The following PDE11A variants were observed in gnomAD, a reference collection of about 807,000 sequenced individuals.
The protein encoded by PDE11A is phosphodiesterase 11A, also known as dual 3',5'-cyclic-AMP and -GMP phosphodiesterase 11A.
Under a neutral mutation model 100.5 loss-of-function variants are expected in PDE11A, and 100 were observed. The ratio of observed to expected loss-of-function variants is 1.00; its 90% CI spans 0.85 to 1.18. PDE11A has a LOEUF of 1.18. PDE11A is among the 50% of genes most tolerant of loss of function. The pLI is 0.00. For synonymous variants in PDE11A, 381 were observed against 420.8 expected (o/e 0.91, Z 1.16); for missense variants, 1,141 against 1,152.6 (o/e 0.99, Z 0.15).
intron 6 of PDE11A, among the ~76,000 whole-genome samples, chr2:177,831,584 T>G (rs2083309125): frequency 6.6e-6 from 1 of 152,242 alleles, no homozygotes; most frequent in African/African-American, 2.4e-5. Context: ...AGCTATCAAA[T>G]GCACACAAGT....
At position 177,669,482 on chromosome 2, in the gene PDE11A, G is replaced by A. The variant is rs780622346; in HGVS notation, c.2562+11C>T. Reference sequence around the variant, plus strand: ...AAGGGTAAATACGTTATAATTAAAGGATGAACTCACTGAAGGAGTGAGTTT... The same window carrying A: ...AAGGGTAAATACGTTATAATTAAAGAATGAACTCACTGAAGGAGTGAGTTT... On this transcript the variant is annotated intron_variant, in intron 18 of 19. Transcript: ENST00000286063. 6 of 1,042,258 alleles carry A rather than the reference G, an allele frequency of 5.8e-6. No homozygotes were observed. In the South Asian group the frequency reaches 6.3e-5, roughly 11 times the overall value. 64.6% of individuals were successfully genotyped at this position (1,042,258 alleles called of 1,614,324 possible). A position where few individuals can be genotyped will look rare whatever the true frequency, so the allele number is the denominator to read the frequency against.
rs192792578 is a variant in PDE11A, at chr2:177,786,238, C to T, written c.1738-16865G>A. 4.6e-3 allele frequency among the ~76,000 whole-genome samples: 694 copies of T among 152,272 alleles called. 3 individuals are homozygous for T. Among genetic ancestry groups the T allele is most frequent in the Non-Finnish European group, 5.5e-3 (372 of 68,020 alleles). ...GCAGCATTCGCGGTTCATGAAAATC[C>T]GCTGTTCTGCAGCCACCACTGCTGA... On this transcript the variant is annotated intron_variant, in intron 9 of 19. Coordinates refer to ENST00000286063, the MANE Select transcript of PDE11A (RefSeq NM_016953.4).
intron 2 of PDE11A, among the ~76,000 whole-genome samples, chr2:177,964,040 T>A (rs1231533392): frequency 1.3e-5 from 2 of 152,240 alleles, no homozygotes; most frequent in African/African-American, 4.8e-5. Context: ...TGGCTGTTTT[T>A]AAAAATTACT....
intron 9 of PDE11A, among the ~76,000 whole-genome samples, chr2:177,787,807 G>A (rs925576821): frequency 4.6e-5 from 7 of 152,066 alleles, no homozygotes; most frequent in African/African-American, 1.7e-4. Context: ...TCACATAATG[G>A]TAAAGGGATC....
chr2:177,761,994 C>T (rs913795653), intron 10 of PDE11A, among the ~76,000 whole-genome samples: 3 of 152,024 alleles, frequency 2.0e-5, no homozygotes, highest in East Asian at 3.9e-4. Flanking sequence ...GGATGGATCT[C>T]GGATAGGGTC....
At chr2:178,002,791 G>A (rs1331319740) in intron 2 of PDE11A, among the ~76,000 whole-genome samples, 1 of 152,048 alleles carries the variant, frequency 6.6e-6, no homozygotes, top group Non-Finnish European at 1.5e-5. Flanking sequence ...AGAAATCAAG[G>A]GAATGCAATT....
chr2:177,660,097 T>TTCTTTC (rs1406827529), intron 19 of PDE11A, among the ~76,000 whole-genome samples: 2,212 of 68,394 alleles, frequency 0.032, 45 homozygotes, highest in African/African-American at 0.039. Flanking sequence ...CTTTCTTTCT[T>TTCTTTC]TCTCTCTCTC....
chr2:177,751,446 T>C (rs2082025812), intron 10 of PDE11A, among the ~76,000 whole-genome samples: 1 of 152,208 alleles, frequency 6.6e-6, no homozygotes. Context: ...TCCAAGACTT[T>C]ATCTACAATT....
chr2:177,843,374 G>A (rs1309701006), intron 5 of PDE11A, among the ~76,000 whole-genome samples: 1 of 152,122 alleles, frequency 6.6e-6, no homozygotes, highest in Non-Finnish European at 1.5e-5. Context: ...AATAGGGAGG[G>A]GCAGTCCACA....
chr2:178,001,199 GAA>G (rs2105817874), intron 2 of PDE11A, among the ~76,000 whole-genome samples: 1 of 151,716 alleles, frequency 6.6e-6, no homozygotes, highest in East Asian at 1.9e-4. Context: ...AAGAAGAAAA[GAA>G]AACACTGAGA....
chr2:177,995,646 A>AAC (rs1553498583), intron 2 of PDE11A, among the ~76,000 whole-genome samples: 1 of 147,804 alleles, frequency 6.8e-6, no homozygotes, highest in Non-Finnish European at 1.5e-5. Flanking sequence ...CACAAACACC[A>AAC]CCCACCCCGC....
At chr2:178,050,642 C>G (rs1329592517) in intron 1 of PDE11A, among the ~76,000 whole-genome samples, 2 of 152,084 alleles carry the variant, frequency 1.3e-5, no homozygotes, top group South Asian at 4.1e-4. Flanking sequence ...ATAGAATAAA[C>G]AGTGTAGAGA....
chr2:178,107,680 T>G (rs890173616), intron 1 of PDE11A, among the ~76,000 whole-genome samples: 1 of 151,756 alleles, frequency 6.6e-6, no homozygotes, highest in African/African-American at 2.4e-5. Context: ...GAATTAATAT[T>G]CAATCTATAA....
At chr2:177,889,178 T>G (rs892357796) in intron 4 of PDE11A, among the ~76,000 whole-genome samples, 1 of 152,214 alleles carries the variant, frequency 6.6e-6, no homozygotes, top group Non-Finnish European at 1.5e-5. Flanking sequence ...ATTTTGGATT[T>G]AAAATTATAG....
At chr2:177,704,150 T>C (rs1041037371) in intron 13 of PDE11A, among the ~76,000 whole-genome samples, 2 of 152,138 alleles carry the variant, frequency 1.3e-5, no homozygotes, top group African/African-American at 4.8e-5. Flanking sequence ...TGATAACTAT[T>C]ATGTCAGGCC....
chr2:177,774,079 G>A (rs552061633), intron 9 of PDE11A, among the ~76,000 whole-genome samples: 25 of 152,282 alleles, frequency 1.6e-4, no homozygotes, highest in African/African-American at 5.5e-4. Flanking sequence ...AGGGCACAGC[G>A]AGAACCCAGT....
chr2:178,037,484 C>T (rs147423180), intron 1 of PDE11A, among the ~76,000 whole-genome samples: 2,229 of 152,170 alleles, frequency 0.015, 43 homozygotes, highest in East Asian at 0.091. Flanking sequence ...GGATCTAGAA[C>T]CAGAAATATC....
At chr2:177,657,698 G>A (rs1426910092) in intron 19 of PDE11A, among the ~76,000 whole-genome samples, 2 of 152,026 alleles carry the variant, frequency 1.3e-5, no homozygotes, top group African/African-American at 2.4e-5. Context: ...AGGCGGGTGA[G>A]AGAGAGGGAG....
At chr2:177,689,780 A>G (rs989734657) in intron 15 of PDE11A, among the ~76,000 whole-genome samples, 5 of 152,218 alleles carry the variant, frequency 3.3e-5, no homozygotes, top group African/African-American at 1.2e-4. Context: ...TGCAGGAAGT[A>G]GAGATAAGAA....
Sources: allele counts gnomAD v4.1 joint callset (sites outside exome capture counted in the v4.1 genomes callset), GRCh38; gene constraint gnomAD v4.1.1; transcripts MANE v1.5; gene names NCBI Gene and HGNC (gene_info 2026-07-23, HGNC 2026-07-21).